ARF3: variants seen among roughly 807,000 people sequenced by gnomAD.
ARF3 encodes the protein ADP-ribosylation factor 3.
In ARF3, 5 loss-of-function variants were observed where a neutral mutation model predicts 19.3. The ratio of observed to expected loss-of-function variants is 0.26; its 90% CI spans 0.14 to 0.54. ARF3 has a LOEUF of 0.54. Ranked by LOEUF, ARF3 falls within the 20% of genes least tolerant of loss-of-function variation. ARF3 has a pLI of 0.95. For synonymous variants in ARF3, 71 were observed against 89.2 expected (o/e 0.80, Z 1.15); for missense variants, 77 against 234.2 (o/e 0.33, Z 4.38).
intron 2 of ARF3, 132 bp from the exon 3 acceptor site, chr12:48,940,239 C>T (rs905746339): frequency 8.2e-6 from 6 of 734,518 alleles, no homozygotes; most frequent in Non-Finnish European, 1.2e-5. Flanking sequence ...GCTAAGGCTT[C>T]CTCAGACCTG....
intron 1 of ARF3, among the ~76,000 whole-genome samples, chr12:48,952,353 C>A (rs528984838): frequency 8.6e-4 from 131 of 152,322 alleles, no homozygotes; most frequent in South Asian, 2.5e-3. Flanking sequence ...GAATCCTAGT[C>A]AGATAAAACA....
intron 1 of ARF3, among the ~76,000 whole-genome samples, chr12:48,947,443 A>G (rs1329127431): frequency 6.6e-6 from 1 of 151,886 alleles, no homozygotes; most frequent in African/African-American, 2.4e-5. Flanking sequence ...AGTAGATGGG[A>G]CTACAGGCGC....
intron 1 of ARF3, among the ~76,000 whole-genome samples, chr12:48,952,951 G>C (rs1300817412): frequency 6.6e-6 from 1 of 152,160 alleles, no homozygotes; most frequent in African/African-American, 2.4e-5. Context: ...ACAGCCCTTG[G>C]GCCAGCCATC....
intron 1 of ARF3, among the ~76,000 whole-genome samples, chr12:48,950,384 G>A (rs1347184502): frequency 8.6e-5 from 13 of 151,980 alleles, no homozygotes. Context: ...CTGAAGTTTC[G>A]CCATGTTGCC....
At chr12:48,940,252 A>G in intron 2 of ARF3, 145 bp from the exon 3 acceptor site, 1 of 689,314 alleles carries the variant, frequency 1.5e-6, no homozygotes, top group East Asian at 2.7e-5. Flanking sequence ...CAGACCTGAT[A>G]ATCGTTAAGC....
Position 48,940,054 on chromosome 12 carries a change from C to T in ARF3, c.202G>A (p.Val68Met), listed in dbSNP as rs774032503. The change falls in exon 3 of 5, where the codon GTG becomes ATG. Residue 68 changes from valine (V) to methionine (M), a missense_variant. Coordinates refer to ENST00000256682, the MANE Select transcript of ARF3 (RefSeq NM_001659.3). ...YKNISFTVWD[V>M]GGQDKIRPLW... ...GGTCGAATCTTGTCCTGGCCACCCA[C>T]ATCCCACACTGTAAAGCTGATGTTC... 1 of 1,614,194 alleles carries T rather than the reference C, an allele frequency of 6.2e-7. No homozygotes were observed. The highest frequency in any genetic ancestry group is 1.1e-5 in the South Asian group (1 of 91,086).
intron 1 of ARF3, among the ~76,000 whole-genome samples, chr12:48,954,483 A>G (rs1356291176): frequency 2.0e-5 from 3 of 152,242 alleles, no homozygotes; most frequent in Non-Finnish European, 2.9e-5. Flanking sequence ...TTTGTACAAT[A>G]CCAGGTGCTT....
chr12:48,947,591 C>T (rs1054491381), intron 1 of ARF3, among the ~76,000 whole-genome samples: 5 of 152,134 alleles, frequency 3.3e-5, no homozygotes, highest in Admixed American at 1.3e-4. Context: ...CAGGCGTGGG[C>T]CACCGTGCCT....
chr12:48,946,874 T>A (rs1940367645), intron 1 of ARF3, among the ~76,000 whole-genome samples: 1 of 152,182 alleles, frequency 6.6e-6, no homozygotes, highest in African/African-American at 2.4e-5. Flanking sequence ...CTGATTCCAG[T>A]GAATGATCCA....
intron 1 of ARF3, among the ~76,000 whole-genome samples, chr12:48,947,783 T>C (rs1434207579): frequency 6.6e-6 from 1 of 151,994 alleles, no homozygotes; most frequent in Non-Finnish European, 1.5e-5. Context: ...GAGCAGTAAA[T>C]CAACACTGAA....
rs955417931 is a variant in ARF3 at position 48,951,897 on chromosome 12, A to AAAAT, written c.-94+5409_-94+5412dup. ...TCCGTCTCAAAAAAAAAAACTAATT[A>AAAAT]AAATAAATAAATAAATAAATAAAAT... On this transcript the variant is annotated intron_variant, in intron 1 of 4. Coordinates refer to ENST00000256682, the MANE Select transcript of ARF3 (RefSeq NM_001659.3). Among the ~76,000 whole-genome samples the AAAAT allele has an allele frequency of 1.7e-4, 26 of 151,506 alleles. No individual in the cohort carries two copies. The Middle Eastern group carries it at 0.014, about 80-fold the overall frequency.
At chr12:48,945,679 C>T (rs1374326272) in intron 1 of ARF3, among the ~76,000 whole-genome samples, 1 of 151,972 alleles carries the variant, frequency 6.6e-6, no homozygotes, top group Non-Finnish European at 1.5e-5. Context: ...GCCGAGATCA[C>T]GCCACTGCAC....
intron 1 of ARF3, among the ~76,000 whole-genome samples, chr12:48,946,826 A>T (rs1394868331): frequency 6.6e-6 from 1 of 152,144 alleles, no homozygotes; most frequent in Non-Finnish European, 1.5e-5. Context: ...TGCTTTTGAG[A>T]GTCACACATC....
chr12:48,938,558 CAG>C lies in ARF3; in HGVS notation c.*387_*388del, dbSNP rs775316491. On this transcript the variant is annotated 3_prime_UTR_variant, in exon 5 of 5. Transcript: ENST00000256682. The stretch of plus-strand genomic sequence containing the variant: ...GAGAGGGTGGCAAAGGAAAGGCAAA[CAG>C]GGAGTAGAAGGGCTTGTGGGGACAG... The C allele has an allele frequency of 6.1e-5, 28 of 458,192 alleles. No individual in the cohort carries two copies. Among genetic ancestry groups the C allele is most frequent in the East Asian group, 6.9e-5 (1 of 14,468 alleles). 28.4% of individuals were successfully genotyped at this position (458,192 alleles called of 1,614,324 possible).
rs1274329637 is a variant in ARF3 at position 48,938,985 on chromosome 12, G to A, written c.508C>T (p.Leu170=). Residue 170 remains leucine, a synonymous_variant, in exon 5 of 5, where the codon CTG becomes TTG. Transcript: ENST00000256682. ...TTGAGCTGATTGGCCAGCCAGTCCA[G>A]GCCTTCGTACAGCCCGTCCCCGCTG... The part of the protein sequence containing the change: ...ATSGDGLYEG[L]DWLANQLKNK... The A allele has an allele frequency of 2.5e-6, 4 of 1,612,792 alleles. No individual in the cohort carries two copies. Among genetic ancestry groups the A allele is most frequent in the African/African-American group, 2.7e-5 (2 of 74,888 alleles).
intron 1 of ARF3, among the ~76,000 whole-genome samples, chr12:48,952,442 G>C (rs1171740651): frequency 1.3e-5 from 2 of 152,168 alleles, no homozygotes; most frequent in East Asian, 1.9e-4. Context: ...ATTACAGCTT[G>C]CCTTGTTCTT....
chr12:48,954,794 A>G (rs967513850), intron 1 of ARF3, among the ~76,000 whole-genome samples: 1 of 152,038 alleles, frequency 6.6e-6, no homozygotes, highest in African/African-American at 2.4e-5. Flanking sequence ...CCAAGGTGGG[A>G]GGATATATTG....
intron 1 of ARF3, among the ~76,000 whole-genome samples, chr12:48,952,515 C>T (rs1279943044): frequency 3.3e-5 from 5 of 152,208 alleles, no homozygotes; most frequent in African/African-American, 1.2e-4. Flanking sequence ...CAATCCAATG[C>T]CCACCTCTAC....
intron 1 of ARF3, chr12:48,956,667 C>T (rs2137601840): frequency 1.3e-5 from 2 of 152,314 alleles, no homozygotes; most frequent in Middle Eastern, 6.7e-3. Flanking sequence ...AGATCAGATC[C>T]CCCTCCTCCT....
Sources: gnomAD v4.1 joint callset for allele counts (sites outside exome capture counted in the v4.1 genomes callset) on GRCh38, gnomAD v4.1.1 for gene constraint, MANE v1.5 for transcripts, NCBI Gene and HGNC (gene_info 2026-07-23, HGNC 2026-07-21) for gene names.